Variants in LRRK1 observed in about 807,000 individuals in gnomAD.
LRRK1 encodes leucine-rich repeat serine/threonine-protein kinase 1.
Under a neutral mutation model 209.1 loss-of-function variants are expected in LRRK1, and 113 were observed. The observed-to-expected ratio is 0.54, with a 90% CI of 0.46 to 0.63. The LOEUF is 0.63. Among genes scored for constraint, LRRK1 ranks in the 30% least tolerant of loss-of-function variants. The probability of loss-of-function intolerance (pLI) is 0.00; values close to 1 mark genes in which losing one functional copy is unlikely to be tolerated. For synonymous variants in LRRK1, 1,144 were observed against 1,099.7 expected (o/e 1.04, Z -0.80); for missense variants, 2,284 against 2,632.2 (o/e 0.87, Z 2.89).
intron 22 of LRRK1, 150 bp downstream of exon 22, chr15:101,048,807 C>T (rs2035228945): frequency 5.0e-6 from 3 of 603,412 alleles, no homozygotes; most frequent in Non-Finnish European, 8.1e-6. Flanking sequence ...AATGTGAGGC[C>T]CTCCCACGAG....
At chr15:101,044,775 C>T (rs1381812586) in intron 20 of LRRK1, among the ~76,000 whole-genome samples, 1 of 152,336 alleles carries the variant, frequency 6.6e-6, no homozygotes, top group South Asian at 2.1e-4. Context: ...ACATGAGAGA[C>T]CCAGGATGCA....
intron 13 of LRRK1, 31 bp from the exon 14 acceptor site, chr15:101,021,800 GTGTGTGTGTGTGTA>G (rs1159798627): frequency 7.1e-6 from 7 of 990,258 alleles, no homozygotes; most frequent in South Asian, 1.4e-5. Flanking sequence ...GTGTGTGTGT[GTGTGTGTGTGTGTA>G]TTCTCTCGTG....
At chr15:101,054,917 T>A (rs768876899) in intron 26 of LRRK1, 29 bp from the exon 27 acceptor site, 9 of 1,546,292 alleles carry the variant, frequency 5.8e-6, no homozygotes, top group Non-Finnish European at 7.8e-6. Flanking sequence ...GAAATTTTGA[T>A]ACATTTGAAA....
intron 20 of LRRK1, chr15:101,043,927 C>T (rs1416076192): frequency 1.4e-4 from 22 of 152,144 alleles, no homozygotes; most frequent in Admixed American, 1.4e-3. Flanking sequence ...AACAGTGTCT[C>T]TTAAGCTCCC....
intron 3 of LRRK1, 40 bp downstream of exon 3, chr15:100,974,007 C>A: frequency 8.1e-7 from 1 of 1,240,028 alleles, no homozygotes. Context: ...CATGCAGCCC[C>A]GGGCTGGACG....
intron 7 of LRRK1, 120 bp from the exon 8 acceptor site, chr15:101,010,330 C>G (rs531554267): frequency 2.0e-4 from 210 of 1,065,020 alleles, no homozygotes; most frequent in Non-Finnish European, 2.7e-4. Flanking sequence ...AATGCACACT[C>G]TTTAACCTTG....
At chr15:100,947,651 A>G (rs553307400) in intron 2 of LRRK1, among the ~76,000 whole-genome samples, 2 of 152,322 alleles carry the variant, frequency 1.3e-5, no homozygotes, top group East Asian at 1.9e-4. Context: ...GTGGGCAGAA[A>G]CGCATATGCA....
intron 22 of LRRK1, among the ~76,000 whole-genome samples, 172 bp downstream of exon 22, chr15:101,048,829 C>T (rs1357381724): frequency 6.6e-6 from 1 of 152,216 alleles, no homozygotes; most frequent in East Asian, 1.9e-4. Context: ...GTCCCAGAGG[C>T]TCCGGTCTCC....
chr15:100,923,936 C>G (rs2042062744), intron 1 of LRRK1, among the ~76,000 whole-genome samples: 1 of 152,210 alleles, frequency 6.6e-6, no homozygotes. Flanking sequence ...GTCTGCTAAC[C>G]TCCGTCATTT....
Position 101,010,665 on chromosome 15 carries a change from T to A in LRRK1, c.1118-9T>A, listed in dbSNP as rs1178633449. On this transcript the variant is annotated splice_polypyrimidine_tract_variant and intron_variant, in intron 8 of 33. Coordinates refer to ENST00000388948, the MANE Select transcript of LRRK1 (RefSeq NM_024652.6). Reference sequence around the variant, plus strand: ...AATTCATACTTTGGGTCTTTTTTTTTTTTTTTAGCCACTAACTGGATAGGT... The same window carrying A: ...AATTCATACTTTGGGTCTTTTTTTTATTTTTTAGCCACTAACTGGATAGGT... 8 of 1,589,408 alleles carry A rather than the reference T, an allele frequency of 5.0e-6. No individual in the cohort carries two copies. Among genetic ancestry groups the A allele is most frequent in the Non-Finnish European group, 6.8e-6 (8 of 1,172,906 alleles).
intron 12 of LRRK1, among the ~76,000 whole-genome samples, chr15:101,019,413 C>A (rs1037803861): frequency 2.6e-5 from 4 of 152,158 alleles, no homozygotes; most frequent in Non-Finnish European, 5.9e-5. Flanking sequence ...ATTTCCTTAC[C>A]TAGCAAGGAC....
intron 11 of LRRK1, among the ~76,000 whole-genome samples, chr15:101,015,098 C>G (rs1433578540): frequency 6.6e-6 from 1 of 152,134 alleles, no homozygotes; most frequent in Non-Finnish European, 1.5e-5. Context: ...TGCAGAAGGC[C>G]ACTTCTGCAG....
At chr15:101,067,421 ATGTGTGTGTGTGTGTGTGTGTGTGTG>A (rs57333844) in intron 33 of LRRK1, 17 of 297,168 alleles carry the variant, frequency 5.7e-5, no homozygotes, top group Admixed American at 2.0e-4. Context: ...CTCAGTTCAA[ATGTGTGTGTGTGTGTGTGTGTGTGTG>A]TGTGTGTGTG....
In LRRK1 at chr15:101,012,113, A is replaced by C; in HGVS notation, c.1387A>C (p.Lys463Gln). Reference protein sequence around the residue: ...KDVDFSENALKEVPLGLFQLD... With the variant: ...KDVDFSENALQEVPLGLFQLD... ...TGTGGATTTCTCAGAAAACGCACTC[A>C]AAGAAGTTCCCCTGGGACTTTTCCA... The change falls in exon 10 of 34, where the codon AAA becomes CAA. Residue 463 changes from lysine (K) to glutamine (Q), a missense_variant. This residue lies in a region of LRRK1 where 494 missense variants were observed against 522.1 expected (regional missense o/e 0.95). Transcript: ENST00000388948. 3 of 1,612,434 alleles carry C rather than the reference A, an allele frequency of 1.9e-6. No individual in the cohort carries two copies. The highest frequency in any genetic ancestry group is 1.7e-4 in the Middle Eastern group (1 of 6,058).
At chr15:101,029,372 C>G in intron 20 of LRRK1, 140 bp downstream of exon 20, 1 of 875,366 alleles carries the variant, frequency 1.1e-6, no homozygotes, top group South Asian at 2.0e-5. Flanking sequence ...AGGCCAGCAC[C>G]CGATGACCTG....
At chr15:101,052,372 A>T (rs1447840188) in intron 24 of LRRK1, among the ~76,000 whole-genome samples, 1 of 105,608 alleles carries the variant, frequency 9.5e-6, no homozygotes, top group Non-Finnish European at 2.0e-5. Flanking sequence ...GAGAGCTCCC[A>T]CCCAGAGCCT....
intron 2 of LRRK1, 95 bp from the exon 3 acceptor site, chr15:100,973,709 G>A (rs2031102051): frequency 8.5e-7 from 1 of 1,175,354 alleles, no homozygotes; most frequent in Non-Finnish European, 1.1e-6. Flanking sequence ...ATCGTGCAAC[G>A]GGCCGCGCCG....
chr15:101,047,554 A>G (rs559424898), intron 21 of LRRK1, among the ~76,000 whole-genome samples: 2 of 152,354 alleles, frequency 1.3e-5, no homozygotes, highest in African/African-American at 2.4e-5. Context: ...AAGAAGTCCT[A>G]TTGAAATTCA....
chr15:101,027,265 A>G lies in LRRK1; in HGVS notation c.2410A>G (p.Ile804Val). Reference sequence around the variant, plus strand: ...GACGGGTCTTTTTGCTCACAGTGAGATTTCCTGCAAGAGCCTGGAAGGTCA... The same window carrying G: ...GACGGGTCTTTTTGCTCACAGTGAGGTTTCCTGCAAGAGCCTGGAAGGTCA... ...PDITFKHLHE[I>V]SCKSLEGQEG... Residue 804 changes from isoleucine (I) to valine (V), a missense_variant, in exon 18 of 34, where the codon ATT becomes GTT. Physicochemically the swap from Ile to Val is conservative, Grantham distance 29. Around this residue, in one of 6 missense-constraint regions of LRRK1, gnomAD observed 780 missense variants for 985.2 expected, o/e 0.79. Coordinates refer to ENST00000388948, the MANE Select transcript of LRRK1 (RefSeq NM_024652.6). The surrounding 1 kb of genome is among the most constrained non-coding windows in gnomAD (Gnocchi z 5.1). 1.9e-6 allele frequency: 3 copies of G among 1,613,914 alleles called. No individual in the cohort carries two copies. Among genetic ancestry groups the G allele is most frequent in the Non-Finnish European group, 2.5e-6 (3 of 1,179,984 alleles).
Sources: gnomAD v4.1 joint callset for allele counts (sites outside exome capture counted in the v4.1 genomes callset) on GRCh38, gnomAD v4.1.1 for gene constraint, gnomAD v4.1.1 regional missense constraint, Gnocchi (gnomAD v3.1) non-coding constraint, MANE v1.5 for transcripts, NCBI Gene and HGNC (gene_info 2026-07-23, HGNC 2026-07-21) for gene names.